The following FHIP1A variants were observed in gnomAD, a reference collection of about 807,000 sequenced individuals.
FHIP1A encodes FHF complex subunit HOOK-interacting protein 1A.
FHIP1A carries 61 observed loss-of-function variants against 88.6 expected under a neutral mutation model. The observed-to-expected ratio is 0.69, with a 90% CI of 0.56 to 0.85. FHIP1A has a LOEUF of 0.85. Ranked by LOEUF, FHIP1A falls within the 40% of genes least tolerant of loss-of-function variation. The pLI is 0.00. For missense variants in FHIP1A, 1,154 were observed against 1,273.5 expected (o/e 0.91, Z 1.43); for synonymous variants, 478 against 496.0 (o/e 0.96, Z 0.48).
intron 3 of FHIP1A, among the ~76,000 whole-genome samples, chr4:151,513,097 G>T (rs549038424): frequency 2.6e-5 from 4 of 151,960 alleles, no homozygotes; most frequent in African/African-American, 4.8e-5. Flanking sequence ...GACTAACAGC[G>T]GATCTCTCGG....
intron 7 of FHIP1A, among the ~76,000 whole-genome samples, chr4:151,609,336 CT>C (rs1281957333): frequency 6.6e-6 from 1 of 152,102 alleles, no homozygotes; most frequent in Non-Finnish European, 1.5e-5. Flanking sequence ...ACCATTATTA[CT>C]TTTTTTCACT....
chr4:151,544,658 G>T (rs1036415351), intron 3 of FHIP1A, among the ~76,000 whole-genome samples: 1 of 152,146 alleles, frequency 6.6e-6, no homozygotes, highest in Admixed American at 6.5e-5. Context: ...GGGGTTATGG[G>T]TTTAGGTGGT....
chr4:151,415,750 G>T (rs1561485633), intron 1 of FHIP1A, among the ~76,000 whole-genome samples: 1 of 152,126 alleles, frequency 6.6e-6, no homozygotes, highest in Non-Finnish European at 1.5e-5. Context: ...ATTAATAGAT[G>T]ACCAGCCACT....
intron 7 of FHIP1A, 65 bp downstream of exon 7, chr4:151,588,991 AAC>A: frequency 9.6e-7 from 1 of 1,041,908 alleles, no homozygotes; most frequent in Non-Finnish European, 1.4e-6. Context: ...GAGGAGGGTA[AAC>A]ACAGTGTAAT....
At chr4:151,503,734 C>T (rs1475634573) in intron 3 of FHIP1A, among the ~76,000 whole-genome samples, 2 of 152,132 alleles carry the variant, frequency 1.3e-5, no homozygotes, top group African/African-American at 4.8e-5. Context: ...TTTCAGGTTC[C>T]ATTTAGTTCA....
chr4:151,603,719 T>C (rs1344333731), intron 7 of FHIP1A, among the ~76,000 whole-genome samples: 1 of 152,222 alleles, frequency 6.6e-6, no homozygotes, highest in Non-Finnish European at 1.5e-5. Context: ...GTGAATAATA[T>C]CACTTTTCCC....
intron 5 of FHIP1A, among the ~76,000 whole-genome samples, chr4:151,583,547 A>G (rs1168347774): frequency 1.3e-5 from 2 of 152,246 alleles, no homozygotes. Context: ...ATGTAATTTG[A>G]AAATTAATGT....
chr4:151,454,210 A>G (rs1469451145), intron 1 of FHIP1A, among the ~76,000 whole-genome samples: 2 of 152,118 alleles, frequency 1.3e-5, no homozygotes, highest in Non-Finnish European at 2.9e-5. Context: ...TAAGACAGAG[A>G]GTTGATTCTT....
chr4:151,653,480 G>A (rs542464917), intron 11 of FHIP1A, among the ~76,000 whole-genome samples: 23 of 152,142 alleles, frequency 1.5e-4, no homozygotes, highest in Admixed American at 9.8e-4. Context: ...CACAAGCTGG[G>A]TTCACTTAGC....
At chr4:151,514,576 AAG>A (rs1196420298) in intron 3 of FHIP1A, among the ~76,000 whole-genome samples, 2 of 152,142 alleles carry the variant, frequency 1.3e-5, no homozygotes, top group Admixed American at 6.5e-5. Context: ...TAAAGAAGAA[AAG>A]AGAGAAGAAT....
intron 5 of FHIP1A, among the ~76,000 whole-genome samples, chr4:151,582,690 A>G (rs1279794883): frequency 6.6e-6 from 1 of 152,200 alleles, no homozygotes; most frequent in Non-Finnish European, 1.5e-5. Flanking sequence ...GTGAAAAATA[A>G]GTGCAAATAA....
intron 3 of FHIP1A, among the ~76,000 whole-genome samples, chr4:151,521,164 A>G (rs1317014536): frequency 2.6e-5 from 4 of 152,206 alleles, no homozygotes; most frequent in Non-Finnish European, 5.9e-5. Flanking sequence ...ATACCACTGC[A>G]TGAAGTGTTT....
At chr4:151,466,080 C>A (rs1729303462) in intron 2 of FHIP1A, among the ~76,000 whole-genome samples, 1 of 152,142 alleles carries the variant, frequency 6.6e-6, no homozygotes, top group Admixed American at 6.6e-5. Context: ...GTTTAGAAGA[C>A]CCCATCGTCT....
At chr4:151,637,205 TA>T (rs1307968320) in intron 8 of FHIP1A, among the ~76,000 whole-genome samples, 1 of 152,132 alleles carries the variant, frequency 6.6e-6, no homozygotes, top group African/African-American at 2.4e-5. Flanking sequence ...GCTAAAACTA[TA>T]AAACTCTTAG....
chr4:151,547,677 G>C (rs576318845), intron 3 of FHIP1A, among the ~76,000 whole-genome samples: 1 of 152,132 alleles, frequency 6.6e-6, no homozygotes, highest in African/African-American at 2.4e-5. Flanking sequence ...ACTTTTGGAG[G>C]CCAAGGCGGG....
chr4:151,527,462 G>T (rs1035341026), intron 3 of FHIP1A, among the ~76,000 whole-genome samples: 1 of 152,182 alleles, frequency 6.6e-6, no homozygotes. Flanking sequence ...GCAGTGAGCC[G>T]AGATGGCAGC....
intron 11 of FHIP1A, among the ~76,000 whole-genome samples, chr4:151,650,905 A>C (rs1431473860): frequency 1.3e-5 from 2 of 152,240 alleles, no homozygotes; most frequent in Non-Finnish European, 2.9e-5. Context: ...GACTTCATTT[A>C]TTCTAGCGTA....
At chr4:151,503,705 C>A (rs1560735168) in intron 3 of FHIP1A, among the ~76,000 whole-genome samples, 1 of 152,136 alleles carries the variant, frequency 6.6e-6, no homozygotes, top group African/African-American at 2.4e-5. Flanking sequence ...ATGCTGAATT[C>A]TTCTGGCATG....
chr4:151,532,174 A>G (rs879284485), intron 3 of FHIP1A, among the ~76,000 whole-genome samples: 1 of 152,178 alleles, frequency 6.6e-6, no homozygotes, highest in African/African-American at 2.4e-5. Flanking sequence ...ATGATTTTCA[A>G]GCTCAGAGTC....
Sources: allele counts gnomAD v4.1 joint callset (sites outside exome capture counted in the v4.1 genomes callset), GRCh38; gene constraint gnomAD v4.1.1; transcripts MANE v1.5; gene names NCBI Gene and HGNC (gene_info 2026-07-23, HGNC 2026-07-21).